Variants in SRP19 observed in about 807,000 individuals in gnomAD.
The protein encoded by SRP19 is signal recognition particle 19, also known as signal recognition particle 19 kDa protein.
SRP19 carries 11 observed loss-of-function variants against 22.4 expected under a neutral mutation model. The ratio of observed to expected loss-of-function variants is 0.49; its 90% CI spans 0.31 to 0.81. The LOEUF (loss-of-function observed/expected upper bound fraction) is 0.81, where lower values mean the gene tolerates loss of function less well. Ranked by LOEUF, SRP19 falls within the 40% of genes least tolerant of loss-of-function variation. The pLI is 0.05. For synonymous variants in SRP19, 61 were observed against 57.6 expected, an observed-to-expected ratio of 1.06 and a Z score of -0.27; for missense variants, 168 against 175.9, an observed-to-expected ratio of 0.96 and a Z score of 0.25.
At chr5:112,890,382 T>A (rs867145954) in intron 4 of SRP19, among the ~76,000 whole-genome samples, 10 of 140,838 alleles carry the variant, frequency 7.1e-5, no homozygotes, top group Non-Finnish European at 1.5e-4. Context: ...TTTTTTTTTT[T>A]AAATAAAAAA....
chr5:112,863,371 TAGC>T (rs1767478366), intron 2 of SRP19, among the ~76,000 whole-genome samples: 1 of 152,218 alleles, frequency 6.6e-6, no homozygotes, highest in African/African-American at 2.4e-5. Flanking sequence ...GGTTTGTCAA[TAGC>T]AGCACCATTG....
downstream of SRP19, chr5:112,897,351 TCACACACACACACACACA>T (rs34612314): frequency 6.1e-5 from 6 of 97,820 alleles, no homozygotes; most frequent in South Asian, 1.5e-3. Context: ...ACACATCCCA[TCACACACACACACACACA>T]CACACACACA....
chr5:112,885,197 G>A lies in SRP19; in HGVS notation c.302-6406G>A, dbSNP rs189427390. On this transcript the variant is annotated intron_variant, in intron 4 of 4. Transcript: ENST00000391338. The stretch of plus-strand genomic sequence containing the variant: ...CCCAGAGAGGAGCCAGCCAGGAGAT[G>A]GTGAGTGCTGTGGGGGTGGGGAGCC... The A allele has an allele frequency of 4.6e-5, 8 of 172,824 alleles. No homozygotes were observed. The East Asian group carries it at 7.4e-4, about 16-fold the overall frequency. 10.7% of individuals were successfully genotyped at this position (172,824 alleles called of 1,614,324 possible).
chr5:112,894,527 G>T (rs377070958), downstream of SRP19: 1 of 152,224 alleles, frequency 6.6e-6, no homozygotes. Flanking sequence ...TGCAGGAAAT[G>T]TCTTGAGTAA....
At chr5:112,866,829 G>C (rs1767621273) in intron 4 of SRP19, among the ~76,000 whole-genome samples, 1 of 152,194 alleles carries the variant, frequency 6.6e-6, no homozygotes, top group Admixed American at 6.6e-5. Flanking sequence ...AGAAGTTGTG[G>C]TGAGAACATG....
intron 4 of SRP19, among the ~76,000 whole-genome samples, chr5:112,889,443 G>C (rs1348067973): frequency 6.6e-6 from 1 of 150,526 alleles, no homozygotes; most frequent in African/African-American, 2.5e-5. Context: ...GGCAAAATAA[G>C]TAAATAGGAT....
exon 5 of SRP19, chr5:112,891,884 T>A: frequency 7.1e-7 from 1 of 1,403,288 alleles, no homozygotes; most frequent in Non-Finnish European, 1.0e-6. Context: ...GAGTGGTTGC[T>A]GAGGGAGCAG....
intron 4 of SRP19, among the ~76,000 whole-genome samples, chr5:112,881,074 A>C (rs1406813334): frequency 7.4e-6 from 1 of 135,414 alleles, no homozygotes; most frequent in East Asian, 2.3e-4. Context: ...GGCTGCAGTG[A>C]GCTGAGATCA....
chr5:112,883,078 T>C (rs1768127031), intron 4 of SRP19, among the ~76,000 whole-genome samples: 1 of 152,244 alleles, frequency 6.6e-6, no homozygotes, highest in African/African-American at 2.4e-5. Flanking sequence ...TTTTGCTCTG[T>C]TGAATTATTC....
At chr5:112,873,677 C>G (rs1767809426), downstream of SRP19, among the ~76,000 whole-genome samples, 1 of 152,094 alleles carries the variant, frequency 6.6e-6, no homozygotes, top group East Asian at 1.9e-4. Context: ...CTCTTGTCAT[C>G]TGCATGTTCC....
intron 4 of SRP19, chr5:112,877,113 T>C (rs1767917467): frequency 6.6e-6 from 1 of 152,194 alleles, no homozygotes; most frequent in African/African-American, 2.4e-5. Context: ...TTTGTTTGCT[T>C]TCTACAAAGT....
rs532350113 is a variant in SRP19, at chr5:112,892,418, A to G, written c.*811A>G. The G allele has an allele frequency of 1.2e-5, 19 of 1,614,122 alleles. No individual in the cohort carries two copies. In the Admixed American group the frequency reaches 3.2e-4, roughly 27 times the overall value. ...TTCAAGAACGTGGGGAAAGTGATTC[A>G]GTTCAAGGTCAGCTGCAATTTGGAA... On this transcript the variant is annotated 3_prime_UTR_variant, in exon 5 of 5. Coordinates refer to the SRP19 transcript ENST00000391338.
At chr5:112,873,987 G>A (rs1767839334), downstream of SRP19, among the ~76,000 whole-genome samples, 2 of 151,526 alleles carry the variant, frequency 1.3e-5, 1 homozygote, top group South Asian at 4.2e-4. Context: ...AACATAGGGA[G>A]ACTCCCTCTC....
chr5:112,893,594 C>T (rs1415677368), downstream of SRP19: 1 of 152,674 alleles, frequency 6.5e-6, no homozygotes, highest in African/African-American at 2.4e-5. Context: ...TCTTGGAAAA[C>T]AGGATCTTCA....
chr5:112,898,237 G>A (rs1259394675), exon 4 of SRP19: 1 of 152,194 alleles, frequency 6.6e-6, no homozygotes, highest in African/African-American at 2.4e-5. Context: ...TTCTCAGTCT[G>A]TTCACTAGGT....
Position 112,864,525 on chromosome 5 carries a change from T to G in SRP19, c.186T>G (p.Leu62=). 6.2e-7 allele frequency: 1 copy of G among 1,614,078 alleles called. No homozygotes were observed. Among genetic ancestry groups the G allele is most frequent in the South Asian group, 1.1e-5 (1 of 91,082 alleles). The change falls in exon 3 of 5, where the codon CTT becomes CTG. Residue 62 remains leucine (L), a synonymous_variant. Coordinates refer to ENST00000505459, the MANE Select transcript of SRP19 (RefSeq NM_003135.3). ...CAGCAGTTGGACTTAACGTATTTCT[T>G]GAGGTATGACGTGGTTCTTCACTAT... The part of the protein sequence containing the change: ...VCSAVGLNVF[L]EKNKMYSREW...
At chr5:112,892,793 G>C in exon 5 of SRP19, 1 of 1,613,970 alleles carries the variant, frequency 6.2e-7, no homozygotes, top group Non-Finnish European at 8.5e-7. Flanking sequence ...CAGCGGGGAA[G>C]GAGAAACCCT....
At position 112,864,671 on chromosome 5, in the gene SRP19, C is replaced by T. The variant is rs1327349877; in HGVS notation, c.240C>T (p.Gly80=). ...REWNRDVQYR[G]RVRVQLKQED... is the part of the protein sequence containing the mutation. ...GGAATCGTGATGTCCAATACAGAGG[C>T]AGAGTCCGGGTCCAGCTCAAACAGG... The change falls in exon 4 of 5, where the codon GGC becomes GGT. Residue 80 remains glycine (G), a synonymous_variant. Coordinates refer to ENST00000505459, the MANE Select transcript of SRP19 (RefSeq NM_003135.3). 6.2e-7 allele frequency: 1 copy of T among 1,614,098 alleles called. No individual in the cohort carries two copies.
At chr5:112,888,364 T>C (rs767591493) in intron 4 of SRP19, among the ~76,000 whole-genome samples, 1 of 152,252 alleles carries the variant, frequency 6.6e-6, no homozygotes, top group Admixed American at 6.5e-5. Context: ...GAGAAATTTA[T>C]ACTAGACTTT....
Sources: gnomAD v4.1 joint callset for allele counts (sites outside exome capture counted in the v4.1 genomes callset) on GRCh38, gnomAD v4.1.1 for gene constraint, MANE v1.5 for transcripts, NCBI Gene and HGNC (gene_info 2026-07-23, HGNC 2026-07-21) for gene names.